EFCAB6: variants seen among roughly 807,000 people sequenced by gnomAD.
EFCAB6 encodes EF-hand calcium-binding domain-containing protein 6.
Under a neutral mutation model 169.8 loss-of-function variants are expected in EFCAB6, and 156 were observed. The observed-to-expected ratio is 0.92, with a 90% CI of 0.81 to 1.05. The LOEUF (loss-of-function observed/expected upper bound fraction) is 1.05. Ranked by LOEUF, EFCAB6 falls within the 50% of genes least tolerant of loss-of-function variation. The probability of loss-of-function intolerance (pLI) is 0.00; values close to 1 mark genes in which losing one functional copy is unlikely to be tolerated. For missense variants in EFCAB6, 1,800 were observed against 1,829.1 expected, an observed-to-expected ratio of 0.98 and a Z score of 0.29; for synonymous variants, 698 against 676.4, an observed-to-expected ratio of 1.03 and a Z score of -0.50.
At chr22:43,677,923 C>T (rs147793686) in intron 13 of EFCAB6, 73 bp downstream of exon 13, 252 of 1,431,186 alleles carry the variant, frequency 1.8e-4, no homozygotes, top group Middle Eastern at 1.1e-3. Flanking sequence ...ATTTCACTTG[C>T]ATCTCTTATT....
At chr22:43,629,984 G>A (rs1602733977) in intron 19 of EFCAB6, among the ~76,000 whole-genome samples, 1 of 152,156 alleles carries the variant, frequency 6.6e-6, no homozygotes, top group Non-Finnish European at 1.5e-5. Flanking sequence ...TGGGTTGACA[G>A]GTTAATCCTA....
chr22:43,599,849 T>C (rs984480478), intron 23 of EFCAB6, among the ~76,000 whole-genome samples: 1 of 152,172 alleles, frequency 6.6e-6, no homozygotes. Context: ...ATATGATGAA[T>C]GATATAAGAT....
chr22:43,581,328 C>T (rs1322013840), intron 24 of EFCAB6, among the ~76,000 whole-genome samples: 1 of 152,162 alleles, frequency 6.6e-6, no homozygotes, highest in African/African-American at 2.4e-5. Context: ...AAGCTGAAAG[C>T]ACTCAAAAGA....
chr22:43,793,370 A>C (rs956968479), intron 2 of EFCAB6, among the ~76,000 whole-genome samples: 2 of 152,204 alleles, frequency 1.3e-5, no homozygotes, highest in African/African-American at 4.8e-5. Context: ...CCAAAGGGCC[A>C]GATCTGGATC....
intron 2 of EFCAB6, among the ~76,000 whole-genome samples, chr22:43,800,417 A>G (rs918141941): frequency 8.5e-5 from 13 of 152,236 alleles, no homozygotes; most frequent in African/African-American, 3.1e-4. Flanking sequence ...AAAAACATAG[A>G]TGTACATCCA....
intron 27 of EFCAB6, among the ~76,000 whole-genome samples, chr22:43,543,647 C>T (rs907836709): frequency 7.2e-5 from 11 of 152,114 alleles, no homozygotes; most frequent in Admixed American, 5.2e-4. Flanking sequence ...GGGATGAGCC[C>T]AATAGCCGCC....
At chr22:43,595,828 C>T (rs2051956117) in intron 23 of EFCAB6, among the ~76,000 whole-genome samples, 1 of 152,078 alleles carries the variant, frequency 6.6e-6, no homozygotes, top group Non-Finnish European at 1.5e-5. Flanking sequence ...TCCTGATGAA[C>T]ATACATGTAG....
intron 5 of EFCAB6, chr22:43,759,851 C>A (rs1569475213): frequency 6.6e-6 from 1 of 152,198 alleles, no homozygotes; most frequent in Non-Finnish European, 1.5e-5. Flanking sequence ...AGATGGCATA[C>A]TCTTTCTGTG....
chr22:43,564,459 G>T (rs868353981), intron 26 of EFCAB6, among the ~76,000 whole-genome samples: 1 of 139,430 alleles, frequency 7.2e-6, no homozygotes, highest in African/African-American at 2.7e-5. Flanking sequence ...GAAAAAAAAA[G>T]AAAAAAAAAA....
intron 24 of EFCAB6, among the ~76,000 whole-genome samples, chr22:43,588,382 G>A (rs2051223224): frequency 6.6e-6 from 1 of 152,074 alleles, no homozygotes. Context: ...AAATGAGATA[G>A]CGCATCCATG....
chr22:43,755,577 ACAGT>A (rs1262782428), intron 6 of EFCAB6, among the ~76,000 whole-genome samples, 185 bp downstream of exon 6: 1 of 152,236 alleles, frequency 6.6e-6, no homozygotes, highest in Non-Finnish European at 1.5e-5. Context: ...GCCATCCAAG[ACAGT>A]CAAAGTAGTC....
chr22:43,554,788 A>T, intron 27 of EFCAB6, 81 bp downstream of exon 27: 2 of 1,237,062 alleles, frequency 1.6e-6, no homozygotes, highest in Non-Finnish European at 2.4e-6. Flanking sequence ...GAACAGTCTT[A>T]AACTCTGTAC....
At chr22:43,796,551 G>A (rs993601545) in intron 2 of EFCAB6, among the ~76,000 whole-genome samples, 1 of 152,056 alleles carries the variant, frequency 6.6e-6, no homozygotes, top group South Asian at 2.1e-4. Context: ...CACCTGATGT[G>A]ATGACAGACA....
chr22:43,770,600 A>G (rs937120311), intron 4 of EFCAB6, among the ~76,000 whole-genome samples: 2 of 152,234 alleles, frequency 1.3e-5, no homozygotes, highest in Non-Finnish European at 2.9e-5. Context: ...AATGTCTAAA[A>G]GTAAAAATTC....
At chr22:43,627,774 G>C (rs1337621920) in intron 19 of EFCAB6, among the ~76,000 whole-genome samples, 1 of 152,172 alleles carries the variant, frequency 6.6e-6, no homozygotes, top group Non-Finnish European at 1.5e-5. Flanking sequence ...CTCCCACAGA[G>C]GTTACTTAGG....
intron 12 of EFCAB6, among the ~76,000 whole-genome samples, chr22:43,680,186 T>A (rs891053829): frequency 5.3e-5 from 8 of 152,180 alleles, no homozygotes; most frequent in Non-Finnish European, 1.2e-4. Flanking sequence ...GGATATCCAA[T>A]TGTCCTCTTA....
rs1325497251 is a variant in EFCAB6, at chr22:43,631,960, C to A, written c.2232+145G>T. On this transcript the variant is annotated intron_variant, in intron 19 of 31. Coordinates refer to ENST00000262726, the MANE Select transcript of EFCAB6 (RefSeq NM_022785.4). Reference sequence around the variant, plus strand: ...TCCTCCCCACATGCCTCTCCCTGACCAATGCTGGGTCTGCAGAGGGAAATG... The same window carrying A: ...TCCTCCCCACATGCCTCTCCCTGACAAATGCTGGGTCTGCAGAGGGAAATG... 4 of 1,241,102 alleles carry A rather than the reference C, an allele frequency of 3.2e-6. No homozygotes were observed. In the African/African-American group the frequency reaches 4.8e-5, roughly 15 times the overall value. 76.9% of individuals were successfully genotyped at this position (1,241,102 alleles called of 1,614,324 possible).
At chr22:43,662,115 G>A (rs890618232) in intron 17 of EFCAB6, among the ~76,000 whole-genome samples, 4 of 150,626 alleles carry the variant, frequency 2.7e-5, no homozygotes, top group African/African-American at 9.7e-5. Flanking sequence ...CCGAGATCGC[G>A]CCACTGCACT....
chr22:43,668,871 C>T lies in EFCAB6; in HGVS notation c.1814+1G>A, dbSNP rs1464923892. The T allele has an allele frequency of 3.2e-6, 5 of 1,586,712 alleles. No individual in the cohort carries two copies. In the Admixed American group the frequency reaches 7.0e-5, roughly 22 times the overall value. ...TGTGCATTCATTTTGCTTAATTTTA[C>T]CTCTCAGAAAGATCTGGCTGCTGCT... On this transcript the variant is annotated splice_donor_variant, in intron 16 of 31. Coordinates refer to ENST00000262726, the MANE Select transcript of EFCAB6 (RefSeq NM_022785.4). LOFTEE classifies it high-confidence loss of function.
Sources: gnomAD v4.1 joint callset for allele counts (sites outside exome capture counted in the v4.1 genomes callset) on GRCh38, gnomAD v4.1.1 for gene constraint, MANE v1.5 for transcripts, NCBI Gene and HGNC (gene_info 2026-07-23, HGNC 2026-07-21) for gene names.